The following KHDRBS3 variants were observed in gnomAD, a reference collection of about 807,000 sequenced individuals.
KHDRBS3 encodes KH domain-containing, RNA-binding, signal transduction-associated protein 3.
Under a neutral mutation model 45.6 loss-of-function variants are expected in KHDRBS3, and 23 were observed. The ratio of observed to expected loss-of-function variants is 0.50; its 90% CI spans 0.36 to 0.72. The LOEUF (loss-of-function observed/expected upper bound fraction) is 0.72, where lower values mean the gene tolerates loss of function less well. Among genes scored for constraint, KHDRBS3 ranks in the 30% least tolerant of loss-of-function variants. KHDRBS3 has a pLI of 0.00. For synonymous variants in KHDRBS3, 162 were observed against 156.5 expected, an observed-to-expected ratio of 1.04 and a Z score of -0.26; for missense variants, 352 against 424.8, an observed-to-expected ratio of 0.83 and a Z score of 1.51.
chr8:135,580,201 C>T (rs1849533768), intron 5 of KHDRBS3, among the ~76,000 whole-genome samples: 1 of 152,200 alleles, frequency 6.6e-6, no homozygotes, highest in Admixed American at 6.5e-5. Context: ...CAGACTGGTC[C>T]CAGCCTCTGA....
At chr8:135,557,356 T>C in intron 4 of KHDRBS3, 92 bp from the exon 5 acceptor site, 2 of 656,224 alleles carry the variant, frequency 3.0e-6, no homozygotes, top group Non-Finnish European at 4.7e-6. Flanking sequence ...TTCCTAACCC[T>C]TTTTTCTATT....
At chr8:135,472,772 A>G (rs1284645580) in intron 1 of KHDRBS3, among the ~76,000 whole-genome samples, 1 of 152,134 alleles carries the variant, frequency 6.6e-6, no homozygotes, top group African/African-American at 2.4e-5. Flanking sequence ...TGAGTTTAGA[A>G]TTACATGTGG....
intron 6 of KHDRBS3, among the ~76,000 whole-genome samples, chr8:135,596,383 G>A (rs1384801313): frequency 2.0e-5 from 3 of 152,138 alleles, no homozygotes; most frequent in Admixed American, 6.5e-5. Context: ...TAGGTGAAGG[G>A]ACTGATAAAT....
At chr8:135,528,777 G>T (rs1013043790) in intron 2 of KHDRBS3, among the ~76,000 whole-genome samples, 2 of 152,134 alleles carry the variant, frequency 1.3e-5, no homozygotes, top group African/African-American at 4.8e-5. Context: ...CTGCCTCCTC[G>T]CATAGTAGTA....
chr8:135,617,834 A>G (rs1384530490), intron 7 of KHDRBS3, among the ~76,000 whole-genome samples: 2 of 152,240 alleles, frequency 1.3e-5, no homozygotes, highest in Non-Finnish European at 2.9e-5. Flanking sequence ...AAAATTATGC[A>G]TGCCATTTTG....
At chr8:135,525,498 T>C (rs1825136603) in intron 2 of KHDRBS3, among the ~76,000 whole-genome samples, 1 of 152,208 alleles carries the variant, frequency 6.6e-6, no homozygotes, top group Admixed American at 6.5e-5. Context: ...TCTTTCAGAA[T>C]CTGCCTGTTT....
At chr8:135,641,188 T>C (rs1023866960) in intron 7 of KHDRBS3, among the ~76,000 whole-genome samples, 2 of 152,230 alleles carry the variant, frequency 1.3e-5, no homozygotes, top group Non-Finnish European at 2.9e-5. Flanking sequence ...TTTATTATGC[T>C]GAACTGTGTT....
At chr8:135,634,428 G>A (rs1830726551) in intron 7 of KHDRBS3, among the ~76,000 whole-genome samples, 4 of 152,152 alleles carry the variant, frequency 2.6e-5, no homozygotes, top group African/African-American at 9.7e-5. Flanking sequence ...TTCTCTTAGA[G>A]GGGGATTCTC....
At chr8:135,615,364 G>GACACACAC (rs752557939) in intron 7 of KHDRBS3, among the ~76,000 whole-genome samples, 2 of 149,264 alleles carry the variant, frequency 1.3e-5, no homozygotes, top group African/African-American at 2.5e-5. Context: ...TAGTGTATCA[G>GACACACAC]ACACACACAC....
chr8:135,526,104 A>G (rs886169234), intron 2 of KHDRBS3, among the ~76,000 whole-genome samples: 6 of 152,154 alleles, frequency 3.9e-5, no homozygotes, highest in African/African-American at 9.7e-5. Flanking sequence ...GCTATACCAT[A>G]TAGCCTAGGT....
At chr8:135,505,556 T>C (rs1823952707) in intron 1 of KHDRBS3, among the ~76,000 whole-genome samples, 1 of 152,068 alleles carries the variant, frequency 6.6e-6, no homozygotes, top group Non-Finnish European at 1.5e-5. Flanking sequence ...CAGAGAGGAT[T>C]GAATAGCAGG....
intron 2 of KHDRBS3, among the ~76,000 whole-genome samples, chr8:135,522,705 C>T (rs934730297): frequency 6.6e-6 from 1 of 152,156 alleles, no homozygotes; most frequent in Non-Finnish European, 1.5e-5. Flanking sequence ...GTATTTGAAT[C>T]TTGAAATCTT....
intron 6 of KHDRBS3, among the ~76,000 whole-genome samples, chr8:135,585,047 C>A (rs28441990): frequency 0.38 from 56,554 of 149,780 alleles, 12,139 homozygotes; most frequent in South Asian, 0.53. Flanking sequence ...CATGGTGAAA[C>A]CTCATCTCTA....
intron 1 of KHDRBS3, among the ~76,000 whole-genome samples, chr8:135,487,823 G>A (rs73712045): frequency 0.11 from 16,014 of 152,206 alleles, 935 homozygotes; most frequent in East Asian, 0.18. Context: ...AATTCCACCT[G>A]GGTATCTGTA....
At chr8:135,558,987 C>T (rs1365890273) in intron 5 of KHDRBS3, among the ~76,000 whole-genome samples, 1 of 152,136 alleles carries the variant, frequency 6.6e-6, no homozygotes, top group African/African-American at 2.4e-5. Flanking sequence ...TTAACCTCTC[C>T]GTCCTCACAC....
intron 7 of KHDRBS3, among the ~76,000 whole-genome samples, chr8:135,634,829 C>T (rs1270750121): frequency 6.6e-6 from 1 of 152,202 alleles, no homozygotes; most frequent in Non-Finnish European, 1.5e-5. Flanking sequence ...CTTCCTCCCT[C>T]ATCACTGCTG....
Position 135,654,494 on chromosome 8 carries a change from G to A in KHDRBS3, c.*118-1732G>A, listed in dbSNP as rs142096829. Among the ~76,000 whole-genome samples the A allele has an allele frequency of 2.7e-4, 41 of 152,260 alleles. 1 individual carries two copies. The East Asian group carries it at 6.6e-3, about 24-fold the overall frequency. On this transcript the variant is annotated intron_variant and NMD_transcript_variant, in intron 4 of 4. Coordinates refer to the KHDRBS3 transcript ENST00000521461. ...CCAGAAACTCATCTGCTCAAAAGTT[G>A]GTTTAAAATGGTCTTTTATACACAG...
At chr8:135,581,811 A>G in intron 5 of KHDRBS3, 67 bp from the exon 6 acceptor site, 1 of 1,197,482 alleles carries the variant, frequency 8.4e-7, no homozygotes, top group East Asian at 2.7e-5. Context: ...TGAGGTATAA[A>G]TATATGTGAA....
At chr8:135,504,214 C>T (rs1034743834) in intron 1 of KHDRBS3, among the ~76,000 whole-genome samples, 5 of 152,136 alleles carry the variant, frequency 3.3e-5, no homozygotes, top group African/African-American at 1.2e-4. Flanking sequence ...TTAATTTTGA[C>T]TCTCTTACTG....
Sources: allele counts gnomAD v4.1 joint callset (sites outside exome capture counted in the v4.1 genomes callset), GRCh38; gene constraint gnomAD v4.1.1; transcripts MANE v1.5; gene names NCBI Gene and HGNC (gene_info 2026-07-23, HGNC 2026-07-21).